NCOR1: variants seen among roughly 807,000 people sequenced by gnomAD.
NCOR1 encodes protein phosphatase 1, regulatory subunit 109.
NCOR1 carries 63 observed loss-of-function variants against 288.1 expected under a neutral mutation model. The ratio of observed to expected loss-of-function variants is 0.22; its 90% CI spans 0.18 to 0.27. NCOR1 has a LOEUF of 0.27. NCOR1 is among the 10% of genes least tolerant of loss of function. The pLI, the probability that NCOR1 is intolerant of heterozygous loss-of-function variation, is 1.00. For synonymous variants in NCOR1, 1,007 were observed against 1,065.9 expected (o/e 0.94, Z 1.08); for missense variants, 2,397 against 3,019.2 (o/e 0.79, Z 4.83).
rs967471146 is a variant in NCOR1, at chr17:16,194,662, A to C, written c.-70-23T>G. 12 of 687,144 alleles carry C rather than the reference A, an allele frequency of 1.7e-5. No homozygotes were observed. The African/African-American group carries it at 2.1e-4, about 12-fold the overall frequency. 42.6% of individuals were successfully genotyped at this position (687,144 alleles called of 1,614,324 possible). On this transcript the variant is annotated intron_variant, in intron 1 of 45. Coordinates refer to ENST00000268712, the MANE Select transcript of NCOR1 (RefSeq NM_006311.4). Reference sequence around the variant, plus strand: ...CACCTAAACAGGATGAGAAAAAAACAGAATTAGTAAGAACTAAAACACCAA... The same window carrying C: ...CACCTAAACAGGATGAGAAAAAAACCGAATTAGTAAGAACTAAAACACCAA...
intron 3 of NCOR1, among the ~76,000 whole-genome samples, chr17:16,184,337 A>AT (rs1173660674): frequency 1.3e-5 from 2 of 152,214 alleles, no homozygotes; most frequent in Non-Finnish European, 2.9e-5. Flanking sequence ...AATATCCAGA[A>AT]TTTATAAAGA....
rs1403826490 is a variant in NCOR1 at position 16,047,108 on chromosome 17, G to T, written c.6537-15C>A. 2 of 1,606,718 alleles carry T rather than the reference G, an allele frequency of 1.2e-6. No homozygotes were observed. Among genetic ancestry groups the T allele is most frequent in the Non-Finnish European group, 1.7e-6 (2 of 1,176,532 alleles). On this transcript the variant is annotated splice_polypyrimidine_tract_variant and intron_variant, in intron 41 of 45. Transcript: ENST00000268712. ...GGGCATCATTCCTGTTAGGGCCAAA[G>T]TTAAGTATATTACAACCACGTACTC...
intron 1 of NCOR1, among the ~76,000 whole-genome samples, chr17:16,203,690 T>C (rs2091148924): frequency 1.3e-5 from 2 of 151,946 alleles, no homozygotes; most frequent in Non-Finnish European, 2.9e-5. Context: ...ACAATATTTG[T>C]TGAATAAAAT....
At chr17:16,130,433 T>C (rs895358463) in intron 14 of NCOR1, among the ~76,000 whole-genome samples, 1 of 151,574 alleles carries the variant, frequency 6.6e-6, no homozygotes, top group Non-Finnish European at 1.5e-5. Flanking sequence ...GAAACCCTTC[T>C]AAAAGTTCCC....
chr17:16,156,588 AGTT>A (rs527945347), intron 6 of NCOR1, among the ~76,000 whole-genome samples: 39 of 152,260 alleles, frequency 2.6e-4, no homozygotes, highest in African/African-American at 4.1e-4. Context: ...TGACTTCTAT[AGTT>A]GTTGTGGGTT....
intron 1 of NCOR1, among the ~76,000 whole-genome samples, chr17:16,212,073 C>T (rs1005178931): frequency 6.6e-6 from 1 of 151,882 alleles, no homozygotes; most frequent in African/African-American, 2.4e-5. Flanking sequence ...GTCAGGAGTT[C>T]AAGACCAGCC....
chr17:16,171,700 A>T, intron 4 of NCOR1, 103 bp downstream of exon 4: 1 of 1,083,650 alleles, frequency 9.2e-7, no homozygotes, highest in Non-Finnish European at 1.2e-6. Flanking sequence ...ACTAACCTTT[A>T]GAGACTGGTG....
Position 16,121,086 on chromosome 17 carries a change from C to G in NCOR1, c.1818G>C (p.Glu606Asp), listed in dbSNP as rs1598917592. 1 of 1,613,990 alleles carries G rather than the reference C, an allele frequency of 6.2e-7. No individual in the cohort carries two copies. Among genetic ancestry groups the G allele is most frequent in the African/African-American group, 1.3e-5 (1 of 75,016 alleles). ...GTGGCGGTGGCAGAGGTGGTGGGGG[C>G]TCTTCAGTAGCCGCTGCGGCTGCAG... ...ASAAAAAATE[E>D]PPPPLPPPPE... is the part of the protein sequence containing the mutation. Residue 606 changes from glutamate to aspartate, a missense_variant, in exon 16 of 46, where the codon GAG (glutamate) becomes GAC (aspartate). By Grantham distance (45) the Glu-to-Asp change is conservative (BLOSUM62 2). Coordinates refer to ENST00000268712, the MANE Select transcript of NCOR1 (RefSeq NM_006311.4).
At chr17:16,187,804 G>T (rs996840060) in intron 2 of NCOR1, among the ~76,000 whole-genome samples, 1 of 151,800 alleles carries the variant, frequency 6.6e-6, no homozygotes, top group Admixed American at 6.6e-5. Context: ...GTAGGCTAAG[G>T]TGGGAGGCTT....
intron 1 of NCOR1, among the ~76,000 whole-genome samples, chr17:16,201,688 A>C (rs2090830369): frequency 6.6e-6 from 1 of 152,240 alleles, no homozygotes; most frequent in Admixed American, 6.5e-5. Context: ...ACAGCAGTAC[A>C]ATGTAACAAT....
intron 14 of NCOR1, among the ~76,000 whole-genome samples, chr17:16,131,057 C>T (rs1164609066): frequency 1.4e-5 from 2 of 145,944 alleles, no homozygotes; most frequent in African/African-American, 2.5e-5. Flanking sequence ...GGCGTGATCA[C>T]GGATCACTAC....
At chr17:16,137,917 T>A (rs552246639) in intron 13 of NCOR1, 1 of 417,382 alleles carries the variant, frequency 2.4e-6, no homozygotes, top group Non-Finnish European at 4.2e-6. Context: ...TCCAAAAGCA[T>A]TGTAATCTAT....
chr17:16,076,919 G>C (rs114512423), intron 26 of NCOR1, among the ~76,000 whole-genome samples: 1,718 of 152,258 alleles, frequency 0.011, 36 homozygotes, highest in African/African-American at 0.039. Flanking sequence ...AGCCAGCACT[G>C]GTCAACAGAA....
At position 16,091,790 on chromosome 17, in the gene NCOR1, A is replaced by G. The variant is rs1019459726; in HGVS notation, c.3016+73T>C. ...GGAGGCTGACAACTTACAAAGCACAATGGACACTGCTTTTGGGTTTAGCTT... is the reference window on the plus strand; with the variant it reads ...GGAGGCTGACAACTTACAAAGCACAGTGGACACTGCTTTTGGGTTTAGCTT... On this transcript the variant is annotated intron_variant, in intron 22 of 45. Coordinates refer to ENST00000268712, the MANE Select transcript of NCOR1 (RefSeq NM_006311.4). 8 of 1,604,498 alleles carry G rather than the reference A, an allele frequency of 5.0e-6. No individual in the cohort carries two copies. In the African/African-American group the frequency reaches 9.4e-5, roughly 19 times the overall value.
At chr17:16,136,569 G>A (rs2076426435) in intron 14 of NCOR1, among the ~76,000 whole-genome samples, 1 of 152,130 alleles carries the variant, frequency 6.6e-6, no homozygotes, top group Admixed American at 6.5e-5. Context: ...CACCTTGGGA[G>A]GCCAAGGCAG....
Position 16,057,806 on chromosome 17 carries a change from A to C in NCOR1, c.6169-69T>G. ...TTGCAAAAAAAAAATAGTATTAAGA[A>C]ATCTAGATATCTTTATTATAAATTT... On this transcript the variant is annotated intron_variant, in intron 39 of 45. Coordinates refer to ENST00000268712, the MANE Select transcript of NCOR1 (RefSeq NM_006311.4). 9.4e-6 allele frequency: 14 copies of C among 1,492,692 alleles called. No individual in the cohort carries two copies. In the South Asian group the frequency reaches 1.7e-4, roughly 18 times the overall value. 92.5% of individuals were successfully genotyped at this position (1,492,692 alleles called of 1,614,324 possible). A position where few individuals can be genotyped will look rare whatever the true frequency, so the allele number is the denominator to read the frequency against.
intron 44 of NCOR1, among the ~76,000 whole-genome samples, chr17:16,038,430 C>T (rs2056868378): frequency 7.7e-6 from 1 of 130,690 alleles, no homozygotes; most frequent in African/African-American, 3.0e-5. Flanking sequence ...TCCCTTTTTC[C>T]TACTCTTTTT....
chr17:16,114,711 G>A (rs1282658328), intron 18 of NCOR1, among the ~76,000 whole-genome samples: 2 of 152,190 alleles, frequency 1.3e-5, no homozygotes, highest in Non-Finnish European at 2.9e-5. Flanking sequence ...CATGTCTCAC[G>A]TCCAGGTCGT....
chr17:16,029,295 T>C lies in NCOR1; in HGVS notation c.*3001A>G, dbSNP rs1971748523. 1 of 450,072 alleles carries C rather than the reference T, an allele frequency of 2.2e-6. No homozygotes were observed. Among genetic ancestry groups the C allele is most frequent in the South Asian group, 1.6e-5 (1 of 62,810 alleles). The allele number at this position is 450,072 out of a possible 1,614,324, so 27.9% of individuals were successfully genotyped here. A position where few individuals can be genotyped will look rare whatever the true frequency, so the allele number is the denominator to read the frequency against. On this transcript the variant is annotated 3_prime_UTR_variant, in exon 46 of 46. Coordinates refer to ENST00000268712, the MANE Select transcript of NCOR1 (RefSeq NM_006311.4). ...TGTTTTCATTACAGTTCATTTACAC[T>C]GTTGTAAAATAAGGTACTGAAGCAA...
Sources: allele counts gnomAD v4.1 joint callset (sites outside exome capture counted in the v4.1 genomes callset), GRCh38; gene constraint gnomAD v4.1.1; transcripts MANE v1.5; gene names NCBI Gene and HGNC (gene_info 2026-07-23, HGNC 2026-07-21).